The following ZNF365 variants were observed in gnomAD, a reference collection of about 807,000 sequenced individuals.
The protein encoded by ZNF365 is zinc finger protein 365.
In ZNF365, 22 loss-of-function variants were observed where a neutral mutation model predicts 35.0. That is an observed-to-expected ratio of 0.63 (90% confidence interval 0.45 to 0.90). The LOEUF (loss-of-function observed/expected upper bound fraction) is 0.90. Among genes scored for constraint, ZNF365 ranks in the 40% least tolerant of loss-of-function variants. The pLI is 0.00. For synonymous variants in ZNF365, 188 were observed against 196.2 expected (o/e 0.96, Z 0.35); for missense variants, 448 against 500.3 (o/e 0.90, Z 1.00).
Position 62,400,586 on chromosome 10 carries a change from C to T in ZNF365, c.*797C>T. 1 of 985,894 alleles carries T rather than the reference C, an allele frequency of 1.0e-6. No homozygotes were observed. Among genetic ancestry groups the T allele is most frequent in the Non-Finnish European group, 1.2e-6 (1 of 829,924 alleles). The allele number at this position is 985,894 out of a possible 1,614,324, so 61.1% of individuals were successfully genotyped here. A position where few individuals can be genotyped will look rare whatever the true frequency, so the allele number is the denominator to read the frequency against. ...AGTAAAATCCTCTTTTGATTAGCAC[C>T]CAGCATGGGCTGGGTGGCTAGGTGG... is the stretch of plus-strand genomic sequence containing the variant. On this transcript the variant is annotated 3_prime_UTR_variant, in exon 5 of 5. Coordinates refer to ENST00000395254, the MANE Select transcript of ZNF365 (RefSeq NM_014951.3).
chr10:62,377,347 G>A (rs916698701), intron 2 of ZNF365, among the ~76,000 whole-genome samples: 2 of 152,208 alleles, frequency 1.3e-5, no homozygotes, highest in African/African-American at 4.8e-5. Context: ...AATGCAAGAT[G>A]CTGTCTTAAG....
At chr10:62,456,389 C>G (rs1310672265) in intron 3 of ZNF365, among the ~76,000 whole-genome samples, 4 of 152,104 alleles carry the variant, frequency 2.6e-5, no homozygotes, top group Admixed American at 6.5e-5. Flanking sequence ...ATTATGTTGT[C>G]CATGCCGTGT....
intron 1 of ZNF365, 78 bp from the exon 2 acceptor site, chr10:62,376,103 G>T: frequency 6.8e-7 from 1 of 1,481,314 alleles, no homozygotes. Context: ...AGCCTCTGCT[G>T]TCATGGAGAT....
At chr10:62,408,901 C>A (rs1306002689) in intron 3 of ZNF365, among the ~76,000 whole-genome samples, 5 of 152,132 alleles carry the variant, frequency 3.3e-5, no homozygotes, top group Admixed American at 2.6e-4. Context: ...TATTCCCCAG[C>A]AGGGTCAAGA....
At chr10:62,456,201 G>A (rs1378005013) in intron 3 of ZNF365, among the ~76,000 whole-genome samples, 3 of 151,924 alleles carry the variant, frequency 2.0e-5, no homozygotes, top group Non-Finnish European at 4.4e-5. Flanking sequence ...ACTGCTGCTA[G>A]TGGCCACCCA....
rs890821296 is a variant in ZNF365 at position 62,401,673 on chromosome 10, C to T, written c.*1884C>T. 9.1e-6 allele frequency: 9 copies of T among 985,402 alleles called. No homozygotes were observed. The South Asian group carries it at 2.8e-4, about 31-fold the overall frequency. 61.0% of individuals were successfully genotyped at this position (985,402 alleles called of 1,614,324 possible). ...GCTTATACCATGATTGCACCTTAGC[C>T]TTTTACATACTAAAAACATGACTTG... On this transcript the variant is annotated 3_prime_UTR_variant, in exon 5 of 5. Transcript: ENST00000395254.
At chr10:62,469,385 A>T (rs74158919) in intron 4 of ZNF365, among the ~76,000 whole-genome samples, 4,919 of 152,230 alleles carry the variant, frequency 0.032, 94 homozygotes, top group Middle Eastern at 0.058. Context: ...TAATAATCTT[A>T]AAAAAATCTG....
At chr10:62,471,217 C>T (rs58335152) in intron 4 of ZNF365, among the ~76,000 whole-genome samples, 18,883 of 151,730 alleles carry the variant, frequency 0.12, 1,192 homozygotes, top group East Asian at 0.17. Flanking sequence ...ATACAAAAAA[C>T]TGGCCAGGTG....
intron 3 of ZNF365, among the ~76,000 whole-genome samples, chr10:62,397,692 G>T (rs149145918): frequency 3.9e-5 from 6 of 152,188 alleles, no homozygotes; most frequent in African/African-American, 1.4e-4. Context: ...CTCAATGATA[G>T]ACAGCCTCAG....
Position 62,401,747 on chromosome 10 carries a change from CT to C in ZNF365, c.*1960del. On this transcript the variant is annotated 3_prime_UTR_variant, in exon 5 of 5. Coordinates refer to ENST00000395254, the MANE Select transcript of ZNF365 (RefSeq NM_014951.3). ...TCCTGTAATGTGTGTGCAATGACAA[CT>C]TGTTTCTGTTTTATTTAAAGTAACT... 1.0e-6 allele frequency: 1 copy of C among 985,410 alleles called. No homozygotes were observed. Among genetic ancestry groups the C allele is most frequent in the Non-Finnish European group, 1.2e-6 (1 of 829,900 alleles). 61.0% of individuals were successfully genotyped at this position (985,410 alleles called of 1,614,324 possible).
intron 3 of ZNF365, among the ~76,000 whole-genome samples, chr10:62,423,024 AT>A (rs1185074926): frequency 6.6e-6 from 1 of 152,180 alleles, no homozygotes; most frequent in East Asian, 1.9e-4. Context: ...GTTTCACACA[AT>A]GTGTTGGCAC....
intron 2 of ZNF365, among the ~76,000 whole-genome samples, chr10:62,384,633 C>T (rs1291490893): frequency 6.6e-6 from 1 of 152,084 alleles, no homozygotes; most frequent in Non-Finnish European, 1.5e-5. Context: ...ATCTAGTCTC[C>T]CACAGATACA....
intron 4 of ZNF365, among the ~76,000 whole-genome samples, chr10:62,472,304 A>G (rs1272352965): frequency 6.6e-6 from 1 of 152,216 alleles, no homozygotes; most frequent in Non-Finnish European, 1.5e-5. Context: ...ATCTCCAGAA[A>G]GCGTTCCAAT....
At chr10:62,437,951 A>G (rs890983460) in intron 3 of ZNF365, among the ~76,000 whole-genome samples, 2 of 152,180 alleles carry the variant, frequency 1.3e-5, no homozygotes, top group Non-Finnish European at 2.9e-5. Context: ...TACATCCAAC[A>G]TCATTCTTCT....
At chr10:62,417,364 CT>C (rs1477518071) in intron 3 of ZNF365, among the ~76,000 whole-genome samples, 1 of 151,996 alleles carries the variant, frequency 6.6e-6, no homozygotes, top group Non-Finnish European at 1.5e-5. Context: ...ATTTAATAGT[CT>C]TTCATAAACA....
chr10:62,391,164 A>C (rs1158584623), intron 3 of ZNF365, among the ~76,000 whole-genome samples: 3 of 152,228 alleles, frequency 2.0e-5, no homozygotes, highest in Non-Finnish European at 4.4e-5. Flanking sequence ...CTTTTGTAAT[A>C]ACAGCTTAAA....
intron 3 of ZNF365, among the ~76,000 whole-genome samples, chr10:62,418,037 A>G (rs1589444900): frequency 1.3e-5 from 2 of 152,134 alleles, no homozygotes; most frequent in East Asian, 3.9e-4. Flanking sequence ...TGGACATAAT[A>G]AACAATTTAA....
intron 3 of ZNF365, among the ~76,000 whole-genome samples, chr10:62,412,574 C>T (rs985522277): frequency 4.6e-5 from 7 of 152,110 alleles, no homozygotes; most frequent in Admixed American, 3.9e-4. Context: ...AAAGCAACTT[C>T]AGCAAAGTCT....
At chr10:62,457,993 C>T (rs961057340) in intron 3 of ZNF365, among the ~76,000 whole-genome samples, 7 of 152,216 alleles carry the variant, frequency 4.6e-5, no homozygotes, top group African/African-American at 1.7e-4. Context: ...CCCAGGGAGA[C>T]ATCTTATTTT....
Sources: gnomAD v4.1 joint callset for allele counts (sites outside exome capture counted in the v4.1 genomes callset) on GRCh38, gnomAD v4.1.1 for gene constraint, MANE v1.5 for transcripts, NCBI Gene and HGNC (gene_info 2026-07-23, HGNC 2026-07-21) for gene names.